Variants in CFAP206 observed in about 807,000 individuals in gnomAD.
CFAP206 encodes the protein cilia and flagella associated protein 206, also known as cilia- and flagella-associated protein 206.
CFAP206 carries 53 observed loss-of-function variants against 65.4 expected under a neutral mutation model. The ratio of observed to expected loss-of-function variants is 0.81; its 90% confidence interval spans 0.65 to 1.02. The LOEUF (loss-of-function observed/expected upper bound fraction) is 1.02, where lower values mean the gene tolerates loss of function less well. Among genes scored for constraint, CFAP206 ranks in the 50% least tolerant of loss-of-function variants. CFAP206 has a pLI of 0.00. For missense variants in CFAP206, 663 were observed against 753.2 expected, an observed-to-expected ratio of 0.88 and a Z score of 1.40; for synonymous variants, 250 against 254.4, an observed-to-expected ratio of 0.98 and a Z score of 0.17.
chr6:87,451,671 C>G (rs1768545905), intron 11 of CFAP206, among the ~76,000 whole-genome samples: 1 of 151,712 alleles, frequency 6.6e-6, no homozygotes, highest in African/African-American at 2.4e-5. Flanking sequence ...CTTTATCTTG[C>G]AACTTGGGTA....
At chr6:87,415,635 G>A (rs1028879586) in intron 4 of CFAP206, 51 bp from the exon 5 acceptor site, 2 of 1,514,132 alleles carry the variant, frequency 1.3e-6, no homozygotes, top group Non-Finnish European at 1.8e-6. Context: ...TCTTACGTAA[G>A]AAGAATTCTA....
intron 11 of CFAP206, among the ~76,000 whole-genome samples, chr6:87,443,453 T>G (rs543209439): frequency 1.3e-5 from 2 of 152,260 alleles, no homozygotes; most frequent in South Asian, 4.1e-4. Flanking sequence ...ATATTTTCTT[T>G]TCTGATCTTT....
intron 10 of CFAP206, among the ~76,000 whole-genome samples, chr6:87,432,190 A>T (rs1768170729): frequency 6.6e-6 from 1 of 151,860 alleles, no homozygotes; most frequent in Non-Finnish European, 1.5e-5. Flanking sequence ...TATGTTTCAC[A>T]ATTGGGTATT....
chr6:87,463,612 A>G (rs1768778198), intron 12 of CFAP206, among the ~76,000 whole-genome samples: 1 of 152,204 alleles, frequency 6.6e-6, no homozygotes, highest in African/African-American at 2.4e-5. Context: ...TTAAAAATCT[A>G]GGGTGAAGTC....
intron 7 of CFAP206, among the ~76,000 whole-genome samples, chr6:87,425,160 GC>G (rs1768017274): frequency 6.6e-6 from 1 of 152,112 alleles, no homozygotes; most frequent in Non-Finnish European, 1.5e-5. Context: ...AATCAAAAAT[GC>G]CTTCCAACAA....
chr6:87,450,976 A>G (rs998115184), intron 11 of CFAP206, among the ~76,000 whole-genome samples: 1 of 152,230 alleles, frequency 6.6e-6, no homozygotes, highest in African/African-American at 2.4e-5. Context: ...GAATTCGGCC[A>G]GTGCCCATGG....
chr6:87,433,928 C>T lies in CFAP206; in HGVS notation c.1301-932C>T, dbSNP rs144916587. Among the ~76,000 whole-genome samples the T allele has an allele frequency of 9.2e-5, 14 of 151,908 alleles. No individual in the cohort carries two copies. In the Middle Eastern group the frequency reaches 0.014, roughly 148 times the overall value. On this transcript the variant is annotated intron_variant, in intron 10 of 12. Coordinates refer to ENST00000369562, the MANE Select transcript of CFAP206 (RefSeq NM_001031743.3). ...CAGCCTGACCAATTTGATGAAACCC[C>T]GTCTCTATTAAAAATACAAAAATTA...
intron 11 of CFAP206, among the ~76,000 whole-genome samples, chr6:87,457,163 A>AAG (rs1375806979): frequency 6.6e-6 from 1 of 151,720 alleles, no homozygotes. Flanking sequence ...AAAAAAAAAA[A>AAG]AAAGAAAAGA....
At chr6:87,450,896 C>G (rs1562009855) in intron 11 of CFAP206, among the ~76,000 whole-genome samples, 1 of 152,096 alleles carries the variant, frequency 6.6e-6, no homozygotes. Context: ...GGAGGGAGAG[C>G]AAAGTGATTG....
At chr6:87,411,755 T>C (rs1767739681) in intron 3 of CFAP206, among the ~76,000 whole-genome samples, 2 of 152,368 alleles carry the variant, frequency 1.3e-5, no homozygotes, top group South Asian at 4.1e-4. Flanking sequence ...CCCAGCACCA[T>C]TTATTGAATA....
At chr6:87,457,023 G>A (rs140655746) in intron 11 of CFAP206, among the ~76,000 whole-genome samples, 43,304 of 151,296 alleles carry the variant, frequency 0.29, 6,288 homozygotes, top group Admixed American at 0.38. Flanking sequence ...GGTGGCAGGT[G>A]CCTGTTGTCC....
chr6:87,459,491 G>A (rs547890417), intron 11 of CFAP206, among the ~76,000 whole-genome samples: 10 of 152,248 alleles, frequency 6.6e-5, no homozygotes, highest in African/African-American at 2.2e-4. Context: ...AGATATAAAA[G>A]TCAACATGTG....
At chr6:87,425,479 T>C (rs932911225) in intron 7 of CFAP206, among the ~76,000 whole-genome samples, 1 of 152,208 alleles carries the variant, frequency 6.6e-6, no homozygotes, top group Non-Finnish European at 1.5e-5. Context: ...ATAGCTAACA[T>C]ATAAATACTA....
In CFAP206 at chr6:87,417,966, T is replaced by C. The variant is rs552951297; in HGVS notation, c.632-242T>C. Among the ~76,000 whole-genome samples the C allele has an allele frequency of 5.9e-5, 9 of 151,896 alleles. No homozygotes were observed. In the South Asian group the frequency reaches 1.9e-3, roughly 32 times the overall value. ...TGTTGGCCAGGATGGTCTCAATCTCTTGACCTCGTGATCCGCCCGCCTCGG... is the reference window on the plus strand; with the variant it reads ...TGTTGGCCAGGATGGTCTCAATCTCCTGACCTCGTGATCCGCCCGCCTCGG... On this transcript the variant is annotated intron_variant, in intron 6 of 12. Coordinates refer to ENST00000369562, the MANE Select transcript of CFAP206 (RefSeq NM_001031743.3).
intron 11 of CFAP206, among the ~76,000 whole-genome samples, chr6:87,438,961 A>G (rs947416357): frequency 1.3e-5 from 2 of 152,166 alleles, no homozygotes; most frequent in East Asian, 1.9e-4. Context: ...GCATTGGTCT[A>G]TTTATCATCT....
At chr6:87,434,500 T>C (rs1768217463) in intron 10 of CFAP206, among the ~76,000 whole-genome samples, 1 of 124,366 alleles carries the variant, frequency 8.0e-6, no homozygotes, top group Admixed American at 9.4e-5. Context: ...CTTTTTCTTT[T>C]TCTTTTTTTT....
At chr6:87,415,591 A>G in intron 4 of CFAP206, 95 bp from the exon 5 acceptor site, 1 of 1,092,270 alleles carries the variant, frequency 9.2e-7, no homozygotes, top group South Asian at 1.3e-5. Context: ...TTCCTGAAGT[A>G]GAATTGCCAT....
chr6:87,449,749 A>C (rs1303764401), intron 11 of CFAP206, among the ~76,000 whole-genome samples: 4 of 152,158 alleles, frequency 2.6e-5, no homozygotes, highest in Admixed American at 6.5e-5. Flanking sequence ...GATAGTTTGC[A>C]AATATTTTCT....
At position 87,437,825 on chromosome 6, in the gene CFAP206, A is replaced by ATT. The variant is rs1206669821; in HGVS notation, c.1494+2797_1494+2798dup. ...GGCATGCACCAACCATGCCTGGCTAATTTTTTTTTTTTTTTTTTTTTTTTT... is the reference window on the plus strand; with the variant it reads ...GGCATGCACCAACCATGCCTGGCTAATTTTTTTTTTTTTTTTTTTTTTTTTTT... On this transcript the variant is annotated intron_variant, in intron 11 of 12. Coordinates refer to ENST00000369562, the MANE Select transcript of CFAP206 (RefSeq NM_001031743.3). Among the ~76,000 whole-genome samples, 625 of 104,480 alleles carry ATT rather than the reference A, an allele frequency of 6.0e-3. 4 individuals are homozygous for ATT. Among genetic ancestry groups the ATT allele is most frequent in the African/African-American group, 0.018 (492 of 26,992 alleles). 68.5% of individuals were successfully genotyped at this position (104,480 alleles called of 152,430 possible).
Sources: allele counts gnomAD v4.1 joint callset (sites outside exome capture counted in the v4.1 genomes callset), GRCh38; gene constraint gnomAD v4.1.1; transcripts MANE v1.5; gene names NCBI Gene and HGNC (gene_info 2026-07-23, HGNC 2026-07-21).